PDE3A: variants seen among roughly 807,000 people sequenced by gnomAD.
PDE3A encodes cGMP-inhibited 3',5'-cyclic phosphodiesterase 3A.
PDE3A carries 43 observed loss-of-function variants against 98.3 expected under a neutral mutation model. The observed-to-expected ratio is 0.44, with a 90% CI of 0.34 to 0.56. PDE3A has a LOEUF of 0.56. PDE3A is among the 20% of genes least tolerant of loss of function. The pLI, the probability that PDE3A is intolerant of heterozygous loss-of-function variation, is 0.01. For synonymous variants in PDE3A, 663 were observed against 567.9 expected (o/e 1.17, Z -2.38); for missense variants, 1,427 against 1,440.7 (o/e 0.99, Z 0.15).
chr12:20,640,001 G>A (rs376775831), intron 10 of PDE3A, 44 bp downstream of exon 10: 76 of 918,242 alleles, frequency 8.3e-5, no homozygotes, highest in Non-Finnish European at 1.2e-4. Context: ...AAAATATGTC[G>A]AATTTGCTGT....
chr12:20,526,895 TGTG>T (rs1257560922), intron 1 of PDE3A, among the ~76,000 whole-genome samples: 2 of 114,156 alleles, frequency 1.8e-5, no homozygotes, highest in African/African-American at 3.3e-5. Flanking sequence ...TGTGTGTGTG[TGTG>T]TGTGTGTGTG....
chr12:20,620,877 C>A (rs1944116823), intron 4 of PDE3A, among the ~76,000 whole-genome samples: 1 of 151,714 alleles, frequency 6.6e-6, no homozygotes, highest in South Asian at 2.1e-4. Flanking sequence ...GAATACAGAT[C>A]CACCAAAAAT....
chr12:20,425,258 G>GT (rs1260638048), intron 1 of PDE3A, among the ~76,000 whole-genome samples: 11 of 151,960 alleles, frequency 7.2e-5, no homozygotes, highest in South Asian at 2.1e-4. Context: ...AAGCCAGTGG[G>GT]TTTTTTTTCC....
intron 2 of PDE3A, among the ~76,000 whole-genome samples, chr12:20,602,082 C>T (rs1308088642): frequency 6.6e-6 from 1 of 151,534 alleles, no homozygotes; most frequent in Non-Finnish European, 1.5e-5. Flanking sequence ...CAGTTAAGTT[C>T]TCTTTGCTTC....
intron 2 of PDE3A, among the ~76,000 whole-genome samples, chr12:20,586,535 T>C (rs556282555): frequency 2.6e-5 from 4 of 152,316 alleles, no homozygotes; most frequent in South Asian, 2.1e-4. Context: ...CTCTAACTTA[T>C]AGGATGAATG....
intron 1 of PDE3A, among the ~76,000 whole-genome samples, chr12:20,409,825 A>G (rs1444630): frequency 0.66 from 100,909 of 152,114 alleles, 34,971 homozygotes; most frequent in East Asian, 0.89. Flanking sequence ...TTACAGATTA[A>G]CTATTTGTTA....
chr12:20,656,630 G>A (rs965919040), intron 15 of PDE3A, among the ~76,000 whole-genome samples: 1 of 152,108 alleles, frequency 6.6e-6, no homozygotes, highest in African/African-American at 2.4e-5. Context: ...TAATAAACAT[G>A]TATTAGTTTT....
At chr12:20,556,929 T>A in intron 2 of PDE3A, 1 of 591,220 alleles carries the variant, frequency 1.7e-6, no homozygotes. Flanking sequence ...TATCCCAGAT[T>A]GGTTGTGTTT....
intron 15 of PDE3A, among the ~76,000 whole-genome samples, chr12:20,656,833 T>C (rs984490606): frequency 1.3e-5 from 2 of 152,196 alleles, no homozygotes; most frequent in African/African-American, 4.8e-5. Context: ...GCATTGGGAA[T>C]TGAAGGACCC....
intron 1 of PDE3A, among the ~76,000 whole-genome samples, chr12:20,391,796 T>G (rs1401282683): frequency 6.6e-6 from 1 of 151,878 alleles, no homozygotes. Flanking sequence ...CCTCTCTGTT[T>G]AGATATGGTC....
rs192175753 is a variant in PDE3A at position 20,412,245 on chromosome 12, T to G, written c.960+42001T>G. Among the ~76,000 whole-genome samples the G allele has an allele frequency of 3.5e-4, 54 of 152,276 alleles. 2 individuals are homozygous for G. The highest frequency in any genetic ancestry group is 3.5e-3 in the Admixed American group (54 of 15,288). On this transcript the variant is annotated intron_variant, in intron 1 of 15. Coordinates refer to ENST00000359062, the MANE Select transcript of PDE3A (RefSeq NM_000921.5). ...TTAAGTGGGCAATAAATATTTGTTG[T>G]GTTAGTGGCATTTTAATAGTACATG...
chr12:20,469,045 C>T (rs1945391681), intron 1 of PDE3A, among the ~76,000 whole-genome samples: 1 of 152,164 alleles, frequency 6.6e-6, no homozygotes, highest in Non-Finnish European at 1.5e-5. Context: ...CCTCTTCTCT[C>T]ATTTCAGAAC....
chr12:20,480,188 A>G (rs1945598353), intron 1 of PDE3A, among the ~76,000 whole-genome samples: 1 of 152,182 alleles, frequency 6.6e-6, no homozygotes, highest in Non-Finnish European at 1.5e-5. Context: ...TGTATCTTTG[A>G]GATGTGTCAG....
intron 2 of PDE3A, among the ~76,000 whole-genome samples, chr12:20,578,361 T>A (rs931096667): frequency 9.2e-5 from 14 of 151,998 alleles, no homozygotes; most frequent in Non-Finnish European, 2.1e-4. Flanking sequence ...GAGACAGAGA[T>A]GGTGGGGCAG....
intron 2 of PDE3A, among the ~76,000 whole-genome samples, chr12:20,568,121 G>A (rs969326713): frequency 9.9e-5 from 15 of 151,878 alleles, no homozygotes; most frequent in Non-Finnish European, 2.1e-4. Flanking sequence ...ACTTTATAGA[G>A]ATATTGCATT....
intron 1 of PDE3A, among the ~76,000 whole-genome samples, chr12:20,535,186 C>T (rs565192029): frequency 5.9e-5 from 9 of 152,272 alleles, no homozygotes; most frequent in Admixed American, 5.9e-4. Flanking sequence ...TTAAACTTCA[C>T]GTATAAGGTT....
intron 1 of PDE3A, among the ~76,000 whole-genome samples, chr12:20,519,041 C>T (rs1210913904): frequency 7.5e-6 from 1 of 133,534 alleles, no homozygotes; most frequent in Non-Finnish European, 1.7e-5. Flanking sequence ...GTTTTCATAA[C>T]TTTAGGGGTA....
intron 10 of PDE3A, among the ~76,000 whole-genome samples, chr12:20,642,880 C>T (rs1244591561): frequency 6.6e-6 from 1 of 152,140 alleles, no homozygotes; most frequent in Non-Finnish European, 1.5e-5. Context: ...ATTACTTCTT[C>T]TTACCCTATG....
Position 20,552,856 on chromosome 12 carries a change from G to A in PDE3A, c.961-3804G>A, listed in dbSNP as rs1048198179. 3 of 1,613,888 alleles carry A rather than the reference G, an allele frequency of 1.9e-6. No individual in the cohort carries two copies. Among genetic ancestry groups the A allele is most frequent in the Non-Finnish European group, 2.5e-6 (3 of 1,179,840 alleles). ...CATCACGACCGTGTGCCAGCACAAC[G>A]TGTGCAAGGACTGCCTGGACAGATC... On this transcript the variant is annotated intron_variant, in intron 1 of 15. Coordinates refer to ENST00000359062, the MANE Select transcript of PDE3A (RefSeq NM_000921.5). This position sits in a 1 kb window ranked among gnomAD's most constrained non-coding sequence, Gnocchi z 5.1.
Sources: gnomAD v4.1 joint callset for allele counts (sites outside exome capture counted in the v4.1 genomes callset) on GRCh38, gnomAD v4.1.1 for gene constraint, Gnocchi (gnomAD v3.1) non-coding constraint, MANE v1.5 for transcripts, NCBI Gene and HGNC (gene_info 2026-07-23, HGNC 2026-07-21) for gene names.